Variants in KIR3DL2 observed in about 807,000 individuals in gnomAD.
The protein encoded by KIR3DL2 is killer cell immunoglobulin-like receptor 3DL2.
KIR3DL2 carries 42 observed loss-of-function variants against 41.6 expected under a neutral mutation model. That is an observed-to-expected ratio of 1.01 (90% confidence interval 0.79 to 1.31). KIR3DL2 has a LOEUF of 1.31. KIR3DL2 is among the 50% of genes most tolerant of loss of function. The pLI is 0.00. For synonymous variants in KIR3DL2, 230 were observed against 221.3 expected (o/e 1.04, Z -0.35); for missense variants, 728 against 576.8 (o/e 1.26, Z -2.68).
chr19:54,853,174 G>A (rs2064433756), intron 3 of KIR3DL2, among the ~76,000 whole-genome samples: 1 of 151,590 alleles, frequency 6.6e-6, no homozygotes, highest in African/African-American at 2.4e-5. Flanking sequence ...CGTGGGATCA[G>A]CAAGGGTGGG....
chr19:54,856,948 G>T (rs1385588747), intron 5 of KIR3DL2, among the ~76,000 whole-genome samples: 1 of 152,144 alleles, frequency 6.6e-6, no homozygotes, highest in Non-Finnish European at 1.5e-5. Context: ...TGATAGGCAG[G>T]TAGGTTGACT....
Position 54,852,137 on chromosome 19 carries a change from C to T in KIR3DL2, c.210C>T (p.Ile70=). The change falls in exon 3 of 9, where the codon ATC becomes ATT. Residue 70 remains isoleucine, a synonymous_variant. Transcript: ENST00000326321. ...AAGAAGACAGAAGCCACGTTCCCAT[C>T]TTCCACGGCAGAATATTCCAGGAGA... ...LYKEDRSHVP[I]FHGRIFQESF... is the part of the protein sequence containing the mutation. 2 of 1,613,080 alleles carry T rather than the reference C, an allele frequency of 1.2e-6. No individual in the cohort carries two copies. Among genetic ancestry groups the T allele is most frequent in the South Asian group, 2.2e-5 (2 of 91,068 alleles).
chr19:54,851,395 C>A, intron 2 of KIR3DL2, 140 bp downstream of exon 2: 1 of 855,630 alleles, frequency 1.2e-6, no homozygotes, highest in East Asian at 3.1e-5. Flanking sequence ...TTTCTGACCT[C>A]GCCCTCCCTG....
rs763063499 is a variant in KIR3DL2 at position 54,865,884 on chromosome 19, T to C, written c.1080T>C (p.Leu360=). The C allele has an allele frequency of 6.8e-6, 11 of 1,613,326 alleles. No individual in the cohort carries two copies. The highest frequency in any genetic ancestry group is 9.3e-6 in the Non-Finnish European group (11 of 1,179,604). Residue 360 remains leucine (L), a synonymous_variant, in exon 7 of 9, where the codon CTT becomes CTC. Transcript: ENST00000326321. ...TCATCCTCCTCCTCTTCTTTCTCCTTTATCGCTGGTGCTCCAACAAAAAGA... is the reference window on the plus strand; with the variant it reads ...TCATCCTCCTCCTCTTCTTTCTCCTCTATCGCTGGTGCTCCAACAAAAAGA... The part of the protein sequence containing the change: ...FLFILLLFFL[L]YRWCSNKKNA...
chr19:54,858,597 T>G (rs1357901892), intron 5 of KIR3DL2, among the ~76,000 whole-genome samples: 1 of 151,230 alleles, frequency 6.6e-6, no homozygotes. Context: ...AGCATGGTGA[T>G]CAGTGCCTGT....
intron 1 of KIR3DL2, among the ~76,000 whole-genome samples, chr19:54,850,938 G>C (rs2064166619): frequency 7.7e-6 from 1 of 129,826 alleles, no homozygotes; most frequent in African/African-American, 2.8e-5. Context: ...CTGATGTGGA[G>C]ATATGGGCCT....
At chr19:54,865,718 G>A in intron 6 of KIR3DL2, 87 bp from the exon 7 acceptor site, 1 of 1,194,796 alleles carries the variant, frequency 8.4e-7, no homozygotes, top group Non-Finnish European at 1.2e-6. Flanking sequence ...GATGTTCCAT[G>A]TGGTTACCTG....
intron 6 of KIR3DL2, among the ~76,000 whole-genome samples, chr19:54,865,238 C>T (rs998939381): frequency 1.3e-5 from 2 of 152,036 alleles, no homozygotes; most frequent in African/African-American, 4.8e-5. Flanking sequence ...TTGTTTGCCT[C>T]ACAGTTCTGC....
At position 54,852,179 on chromosome 19, in the gene KIR3DL2, T is replaced by G. The variant is rs1371817921; in HGVS notation, c.252T>G (p.Pro84=). ...TCCAGGAGAGCTTCATCATGGGCCC[T>G]GTGACCCCAGCACATGCAGGGACCT... ...RIFQESFIMG[P]VTPAHAGTYR... is the part of the protein sequence containing the mutation. Residue 84 remains proline, a synonymous_variant, in exon 3 of 9, where the codon CCT becomes CCG. Transcript: ENST00000326321. 1 of 1,612,532 alleles carries G rather than the reference T, an allele frequency of 6.2e-7. No homozygotes were observed.
chr19:54,854,173 G>A, intron 4 of KIR3DL2, 127 bp downstream of exon 4: 2 of 1,199,020 alleles, frequency 1.7e-6, no homozygotes, highest in South Asian at 1.2e-5. Context: ...CTGACTCGGT[G>A]AGGTCTGTAC....
intron 6 of KIR3DL2, among the ~76,000 whole-genome samples, chr19:54,862,802 C>CTTTTTTTTTTTTT (rs1210198153): frequency 1.4e-4 from 11 of 79,764 alleles, no homozygotes; most frequent in East Asian, 4.3e-4. Context: ...TGGGTTACTT[C>CTTTTTTTTTTTTT]TTTTTTTTTT....
At position 54,852,126 on chromosome 19, in the gene KIR3DL2, C is replaced by G; in HGVS notation, c.199C>G (p.His67Asp). The change falls in exon 3 of 9, where the codon CAC (histidine) becomes GAC (aspartate). Residue 67 changes from histidine to aspartate, a missense_variant. Transcript: ENST00000326321. The stretch of plus-strand genomic sequence containing the variant: ...CATGCTGTACAAAGAAGACAGAAGC[C>G]ACGTTCCCATCTTCCACGGCAGAAT... ...NFMLYKEDRS[H>D]VPIFHGRIFQ... 1 of 1,613,114 alleles carries G rather than the reference C, an allele frequency of 6.2e-7. No individual in the cohort carries two copies. The highest frequency in any genetic ancestry group is 2.2e-5 in the East Asian group (1 of 44,848).
chr19:54,851,853 A>T, intron 2 of KIR3DL2, 145 bp from the exon 3 acceptor site: 1 of 847,378 alleles, frequency 1.2e-6, no homozygotes, highest in Non-Finnish European at 1.9e-6. Context: ...CGCCATGTCT[A>T]TGTGGGGTGG....
At position 54,852,003 on chromosome 19, in the gene KIR3DL2, C is replaced by G; in HGVS notation, c.76C>G (p.Gln26Glu). The G allele has an allele frequency of 6.2e-7, 1 of 1,609,660 alleles. No homozygotes were observed. Among genetic ancestry groups the G allele is most frequent in the Non-Finnish European group, 8.5e-7 (1 of 1,177,608 alleles). ...LQGAWPLMGG[Q>E]DKPFLSARPS... ...AGTGCCTCCTTCTCCCCCAGGTGGTCAGGACAAACCCTTCCTGTCTGCCCG... is the reference window on the plus strand; with the variant it reads ...AGTGCCTCCTTCTCCCCCAGGTGGTGAGGACAAACCCTTCCTGTCTGCCCG... Residue 26 changes from glutamine to glutamate, a missense_variant, in exon 3 of 9, where the codon CAG (glutamine) becomes GAG (glutamate). Gln to Glu is a conservative substitution (Grantham distance 29). Coordinates refer to ENST00000326321, the MANE Select transcript of KIR3DL2 (RefSeq NM_006737.4).
chr19:54,856,077 C>A (rs1425209824), intron 5 of KIR3DL2, among the ~76,000 whole-genome samples, 165 bp downstream of exon 5: 3 of 151,436 alleles, frequency 2.0e-5, no homozygotes, highest in Non-Finnish European at 4.4e-5. Context: ...ACCTCCAAAC[C>A]CTCTTGCATG....
intron 6 of KIR3DL2, among the ~76,000 whole-genome samples, chr19:54,859,630 G>A (rs1291742978): frequency 3.3e-5 from 5 of 151,778 alleles, no homozygotes; most frequent in Non-Finnish European, 7.4e-5. Flanking sequence ...TTCAGCCACA[G>A]CCCCATGCTC....
intron 3 of KIR3DL2, among the ~76,000 whole-genome samples, chr19:54,852,836 G>A (rs1339427368): frequency 6.6e-6 from 1 of 151,118 alleles, no homozygotes; most frequent in Non-Finnish European, 1.5e-5. Context: ...TCCAATTTCT[G>A]TCCCCAGAAG....
intron 6 of KIR3DL2, among the ~76,000 whole-genome samples, chr19:54,860,266 C>G (rs1307687727): frequency 3.9e-5 from 6 of 151,978 alleles, no homozygotes; most frequent in African/African-American, 1.2e-4. Flanking sequence ...GGACACTGAT[C>G]TTGCAGATGG....
intron 2 of KIR3DL2, among the ~76,000 whole-genome samples, chr19:54,851,628 AG>A (rs1476245555): frequency 6.6e-6 from 1 of 151,478 alleles, no homozygotes; most frequent in Non-Finnish European, 1.5e-5. Context: ...CTACCAGAAG[AG>A]GGGGGAAACC....
Sources: gnomAD v4.1 joint callset for allele counts (sites outside exome capture counted in the v4.1 genomes callset) on GRCh38, gnomAD v4.1.1 for gene constraint, MANE v1.5 for transcripts, NCBI Gene and HGNC (gene_info 2026-07-23, HGNC 2026-07-21) for gene names.